The following MRPL17 variants were observed in gnomAD, a reference collection of about 807,000 sequenced individuals.
MRPL17 encodes large ribosomal subunit protein bL17m.
MRPL17 carries 8 observed loss-of-function variants against 12.0 expected under a neutral mutation model. The ratio of observed to expected loss-of-function variants is 0.67; its 90% CI spans 0.39 to 1.21. MRPL17 has a LOEUF of 1.21. Among genes scored for constraint, MRPL17 ranks in the 50% most tolerant of loss-of-function variants. MRPL17 has a pLI of 0.01. For missense variants in MRPL17, 263 were observed against 234.4 expected, an observed-to-expected ratio of 1.12 and a Z score of -0.80; for synonymous variants, 107 against 92.9, an observed-to-expected ratio of 1.15 and a Z score of -0.87.
At position 6,682,300 on chromosome 11, in the gene MRPL17, C is replaced by T. The variant is rs1846574607; in HGVS notation, c.346G>A (p.Asp116Asn). ...TCGATCACTGCCATCTTGGCCCGAT[C>T]CAAACTCCGATTTGGGATCTGCAGC... Reference protein sequence around the residue: ...RMLQIPNRSLDRAKMAVIEYK... With the variant: ...RMLQIPNRSLNRAKMAVIEYK... Residue 116 changes from aspartate to asparagine, a missense_variant, in exon 3 of 3, where the codon GAT becomes AAT. Asp to Asn is a conservative substitution (Grantham distance 23). Transcript: ENST00000288937. The T allele has an allele frequency of 6.2e-7, 1 of 1,614,074 alleles. No individual in the cohort carries two copies. The highest frequency in any genetic ancestry group is 8.5e-7 in the Non-Finnish European group (1 of 1,180,038).
chr11:6,682,007 C>T lies in MRPL17; in HGVS notation c.*111G>A. On this transcript the variant is annotated 3_prime_UTR_variant, in exon 3 of 3. Transcript: ENST00000288937. The stretch of plus-strand genomic sequence containing the variant: ...CTCCCCAGAAGGTTCTCAACCCCAT[C>T]AAGACTGTCCATTTTACATCTCTAG... 7.2e-7 allele frequency: 1 copy of T among 1,382,814 alleles called. No individual in the cohort carries two copies. Among genetic ancestry groups the T allele is most frequent in the Non-Finnish European group, 9.8e-7 (1 of 1,018,048 alleles). The allele number at this position is 1,382,814 out of a possible 1,614,324, so 85.7% of individuals were successfully genotyped here.
At position 6,680,939 on chromosome 11, in the gene MRPL17, A is replaced by T. The variant is rs1472846434; in HGVS notation, c.*1179T>A. ...ATGAGTATCAGACTAAGGCAGCTAC[A>T]GCTAAATTAGCACCAGAATAGTTCG... is the stretch of plus-strand genomic sequence containing the variant. On this transcript the variant is annotated 3_prime_UTR_variant, in exon 3 of 3. Transcript: ENST00000288937. 1.3e-5 allele frequency: 2 copies of T among 152,258 alleles called. No homozygotes were observed. Among genetic ancestry groups the T allele is most frequent in the Non-Finnish European group, 1.5e-5 (1 of 68,040 alleles). The allele number at this position is 152,258 out of a possible 1,614,324, so 9.4% of individuals were successfully genotyped here.
chr11:6,683,098 T>C (rs778780579), intron 1 of MRPL17, 25 bp downstream of exon 1: 3 of 1,604,976 alleles, frequency 1.9e-6, no homozygotes, highest in African/African-American at 2.7e-5. Flanking sequence ...ACCCGCAGAG[T>C]GGACAAGAGG....
rs1846554845 is a variant in MRPL17 at position 6,680,682 on chromosome 11, GAA to G, written c.*1434_*1435del. 6.6e-6 allele frequency: 1 copy of G among 152,182 alleles called. No individual in the cohort carries two copies. The highest frequency in any genetic ancestry group is 2.4e-5 in the African/African-American group (1 of 41,450). The allele number at this position is 152,182 out of a possible 1,614,324, so 9.4% of individuals were successfully genotyped here. ...TTTAAAATAAAGATGTGGTTTTAAGGAAAGTGGTTTCTCTAGAAGTTAGGTAT... is the reference window on the plus strand; with the variant it reads ...TTTAAAATAAAGATGTGGTTTTAAGGAGTGGTTTCTCTAGAAGTTAGGTAT... On this transcript the variant is annotated 3_prime_UTR_variant, in exon 3 of 3. Transcript: ENST00000288937.
intron 2 of MRPL17, 128 bp from the exon 3 acceptor site, chr11:6,682,530 G>A: frequency 8.5e-7 from 1 of 1,174,294 alleles, no homozygotes; most frequent in Admixed American, 2.2e-5. Flanking sequence ...CGCCAATCTG[G>A]CATAGTCAGT....
chr11:6,682,306 T>A lies in MRPL17; in HGVS notation c.340A>T (p.Ser114Cys). ...YTRMLQIPNR[S>C]LDRAKMAVIE... Reference sequence around the variant, plus strand: ...ACTGCCATCTTGGCCCGATCCAAACTCCGATTTGGGATCTGCAGCATTCTT... The same window carrying A: ...ACTGCCATCTTGGCCCGATCCAAACACCGATTTGGGATCTGCAGCATTCTT... The change falls in exon 3 of 3, where the codon AGT (serine) becomes TGT (cysteine). Residue 114 changes from serine (S) to cysteine (C), a missense_variant. Coordinates refer to ENST00000288937, the MANE Select transcript of MRPL17 (RefSeq NM_022061.4). 6.2e-7 allele frequency: 1 copy of A among 1,614,186 alleles called. No individual in the cohort carries two copies. The highest frequency in any genetic ancestry group is 1.7e-5 in the Admixed American group (1 of 60,018).
In MRPL17 at chr11:6,682,178, G is replaced by A. The variant is rs781757787; in HGVS notation, c.468C>T (p.Leu156=). 5.6e-6 allele frequency: 9 copies of A among 1,614,034 alleles called. No individual in the cohort carries two copies. Among genetic ancestry groups the A allele is most frequent in the Admixed American group, 3.3e-5 (2 of 59,996 alleles). The change falls in exon 3 of 3, where the codon CTC becomes CTT. Residue 156 remains leucine (L), a synonymous_variant. Transcript: ENST00000288937. The stretch of plus-strand genomic sequence containing the variant: ...GGTTGCTTGCTTCCTGGCTTTGCCT[G>A]AGGTCCTGCCGCAAACCCTGCAGCA... ...NQLLQGLRQD[L]RQSQEASNHS...
At position 6,683,230 on chromosome 11, in the gene MRPL17, C is replaced by T. The variant is rs1846589590; in HGVS notation, c.67G>A (p.Glu23Lys). Residue 23 changes from glutamate to lysine, a missense_variant, in exon 1 of 3, where the codon GAG (glutamate) becomes AAG (lysine). By Grantham distance (56) the Glu-to-Lys change is moderately conservative. Transcript: ENST00000288937. ...RVFRRMGLGP[E>K]SRIHLLRNLL... ...TTCCGCAACAGATGGATGCGGGACT[C>T]GGGACCGAGGCCCATACGGCGAAAT... 3.7e-6 allele frequency: 6 copies of T among 1,614,018 alleles called. No homozygotes were observed. Among genetic ancestry groups the T allele is most frequent in the African/African-American group, 2.7e-5 (2 of 74,950 alleles).
At position 6,680,568 on chromosome 11, in the gene MRPL17, C is replaced by T. The variant is rs1322164934; in HGVS notation, c.*1550G>A. ...TGGGAACTAGCAGATGCTCAAAAAG[C>T]ATGTAGGGAACTGTTGGAAGTCCCA... On this transcript the variant is annotated 3_prime_UTR_variant, in exon 3 of 3. Coordinates refer to ENST00000288937, the MANE Select transcript of MRPL17 (RefSeq NM_022061.4). Among the ~76,000 whole-genome samples the T allele has an allele frequency of 6.6e-6, 1 of 152,130 alleles. No homozygotes were observed.
At position 6,680,669 on chromosome 11, in the gene MRPL17, A is replaced by T. The variant is rs543470346; in HGVS notation, c.*1449T>A. 62 of 152,322 alleles carry T rather than the reference A, an allele frequency of 4.1e-4. No homozygotes were observed. Among genetic ancestry groups the T allele is most frequent in the African/African-American group, 1.5e-3 (61 of 41,572 alleles). The allele number at this position is 152,322 out of a possible 1,614,324, so 9.4% of individuals were successfully genotyped here. A position where few individuals can be genotyped will look rare whatever the true frequency, so the allele number is the denominator to read the frequency against. ...CACAATCCATCTATTTAAAATAAAG[A>T]TGTGGTTTTAAGGAAAGTGGTTTCT... is the stretch of plus-strand genomic sequence containing the variant. On this transcript the variant is annotated 3_prime_UTR_variant, in exon 3 of 3. Coordinates refer to ENST00000288937, the MANE Select transcript of MRPL17 (RefSeq NM_022061.4).
rs1459848975 is a variant in MRPL17, at chr11:6,681,573, G to A, written c.*545C>T. The A allele has an allele frequency of 6.6e-6, 1 of 152,176 alleles. No individual in the cohort carries two copies. Among genetic ancestry groups the A allele is most frequent in the Non-Finnish European group, 1.5e-5 (1 of 68,060 alleles). 9.4% of individuals were successfully genotyped at this position (152,176 alleles called of 1,614,324 possible). ...TGTGTGATCCTGCCTCAAAACAGAG[G>A]ACTGATTGCAGTATCCCCTGAAGGT... On this transcript the variant is annotated 3_prime_UTR_variant, in exon 3 of 3. Coordinates refer to ENST00000288937, the MANE Select transcript of MRPL17 (RefSeq NM_022061.4).
At position 6,682,143 on chromosome 11, in the gene MRPL17, T is replaced by G; in HGVS notation, c.503A>C (p.His168Pro). 1 of 1,613,740 alleles carries G rather than the reference T, an allele frequency of 6.2e-7. No homozygotes were observed. Among genetic ancestry groups the G allele is most frequent in the Non-Finnish European group, 8.5e-7 (1 of 1,179,780 alleles). ...QSQEASNHSS[H>P]TAQTPGI ...TTAAATCCCTGGTGTTTGAGCTGTG[T>G]GGGAGCTGTGGTTGCTTGCTTCCTG... The change falls in exon 3 of 3, where the codon CAC (histidine) becomes CCC (proline). Residue 168 changes from histidine (H) to proline (P), a missense_variant. His to Pro is a moderately conservative substitution (Grantham distance 77). Coordinates refer to ENST00000288937, the MANE Select transcript of MRPL17 (RefSeq NM_022061.4).
chr11:6,683,046 G>A lies in MRPL17; in HGVS notation c.174+77C>T, dbSNP rs1005553707. The A allele has an allele frequency of 5.2e-6, 8 of 1,536,868 alleles. No individual in the cohort carries two copies. The Admixed American group carries it at 1.3e-4, about 25-fold the overall frequency. On this transcript the variant is annotated intron_variant, in intron 1 of 2. Transcript: ENST00000288937. Reference sequence around the variant, plus strand: ...GGGAATGGTTTACCAGGTTGGTCCCGGTCCCTTTCCACTTGCAGCCGGCTC... The same window carrying A: ...GGGAATGGTTTACCAGGTTGGTCCCAGTCCCTTTCCACTTGCAGCCGGCTC...
chr11:6,682,972 G>A (rs530610798), intron 1 of MRPL17, 151 bp downstream of exon 1: 5 of 1,288,404 alleles, frequency 3.9e-6, no homozygotes, highest in Non-Finnish European at 3.2e-6. Flanking sequence ...TTCCATTAGA[G>A]GCGATGGAGG....
chr11:6,682,125 C>G lies in MRPL17; in HGVS notation c.521G>C (p.Gly174Ala). ...CAGACTCTTCAGATCCAGTTAAATC[C>G]CTGGTGTTTGAGCTGTGTGGGAGCT... ...NHSSHTAQTPGI is the reference protein window; with the variant it reads ...NHSSHTAQTPAI The change falls in exon 3 of 3, where the codon GGG becomes GCG. Residue 174 changes from glycine to alanine, a missense_variant. Physicochemically the swap from Gly to Ala is moderately conservative, Grantham distance 60. Transcript: ENST00000288937. 1 of 1,610,458 alleles carries G rather than the reference C, an allele frequency of 6.2e-7. No individual in the cohort carries two copies. The highest frequency in any genetic ancestry group is 8.5e-7 in the Non-Finnish European group (1 of 1,177,504).
At position 6,682,073 on chromosome 11, in the gene MRPL17, G is replaced by A. The variant is rs986564132; in HGVS notation, c.*45C>T. Reference sequence around the variant, plus strand: ...GAGAGTAAAAGTGCTCCAAAGGCCTGTGATCATGGGTACTGATTAAGGGCT... The same window carrying A: ...GAGAGTAAAAGTGCTCCAAAGGCCTATGATCATGGGTACTGATTAAGGGCT... On this transcript the variant is annotated 3_prime_UTR_variant, in exon 3 of 3. Transcript: ENST00000288937. 22 of 1,561,794 alleles carry A rather than the reference G, an allele frequency of 1.4e-5. No homozygotes were observed. Among genetic ancestry groups the A allele is most frequent in the African/African-American group, 2.7e-5 (2 of 73,278 alleles).
rs200363964 is a variant in MRPL17, at chr11:6,682,733, T to C, written c.243+14A>G. 1.5e-4 allele frequency: 236 copies of C among 1,613,708 alleles called. No individual in the cohort carries two copies. The African/African-American group carries it at 1.8e-3, about 12-fold the overall frequency. ...CAAAGGGTGGGATTTTGAAGGCAGA[T>C]AGGTCGCACTCACTGTGAGCCAGAA... On this transcript the variant is annotated intron_variant, in intron 2 of 2. Transcript: ENST00000288937.
chr11:6,680,853 C>T lies in MRPL17; in HGVS notation c.*1265G>A, dbSNP rs1222666717. 1.3e-5 allele frequency: 2 copies of T among 152,100 alleles called. No homozygotes were observed. The highest frequency in any genetic ancestry group is 2.9e-5 in the Non-Finnish European group (2 of 68,016). 9.4% of individuals were successfully genotyped at this position (152,100 alleles called of 1,614,324 possible). ...CATTTAAAATATAAGAGCTTTCTGG[C>T]TATAGTGTGAAGAACAAACCATAGT... On this transcript the variant is annotated 3_prime_UTR_variant, in exon 3 of 3. Coordinates refer to ENST00000288937, the MANE Select transcript of MRPL17 (RefSeq NM_022061.4).
chr11:6,682,511 C>A, intron 2 of MRPL17, 109 bp from the exon 3 acceptor site: 2 of 1,295,230 alleles, frequency 1.5e-6, no homozygotes, highest in South Asian at 2.8e-5. Flanking sequence ...AAAGACCTCC[C>A]CCTCCCCTCG....
Sources: gnomAD v4.1 joint callset for allele counts (sites outside exome capture counted in the v4.1 genomes callset) on GRCh38, gnomAD v4.1.1 for gene constraint, MANE v1.5 for transcripts, NCBI Gene and HGNC (gene_info 2026-07-23, HGNC 2026-07-21) for gene names.